The following STARD5 variants were observed in gnomAD, a reference collection of about 807,000 sequenced individuals.
STARD5 encodes StAR related lipid transfer domain containing 5, also known as stAR-related lipid transfer protein 5.
A neutral mutation model predicts 24.6 loss-of-function variants in STARD5; 26 were observed. The ratio of observed to expected loss-of-function variants is 1.06; its 90% CI spans 0.77 to 1.47. The LOEUF (loss-of-function observed/expected upper bound fraction) is 1.47, where lower values mean the gene tolerates loss of function less well. STARD5 is among the 40% of genes most tolerant of loss of function. STARD5 has a pLI of 0.00. For synonymous variants in STARD5, 101 were observed against 99.7 expected (o/e 1.01, Z -0.07); for missense variants, 254 against 270.8 (o/e 0.94, Z 0.44).
intron 1 of STARD5, 88 bp downstream of exon 1, chr15:81,323,913 C>T (rs1177969235): frequency 2.2e-6 from 3 of 1,359,330 alleles, no homozygotes; most frequent in Admixed American, 4.0e-5. Flanking sequence ...CAGAAAACAA[C>T]GGGGAGAGGA....
chr15:81,317,059 T>C (rs967254544), intron 5 of STARD5, among the ~76,000 whole-genome samples: 6 of 151,976 alleles, frequency 3.9e-5, no homozygotes, highest in African/African-American at 1.5e-4. Context: ...TAGCCAGGCA[T>C]GGTGGCAGGC....
chr15:81,315,392 G>A (rs1038202833), intron 5 of STARD5, among the ~76,000 whole-genome samples: 3 of 152,082 alleles, frequency 2.0e-5, no homozygotes, highest in African/African-American at 4.8e-5. Context: ...GGTAGCTCTT[G>A]CATGTACACC....
chr15:81,319,505 C>T (rs757333999), intron 3 of STARD5, 49 bp from the exon 4 acceptor site: 10 of 1,501,500 alleles, frequency 6.7e-6, no homozygotes, highest in Admixed American at 1.7e-5. Flanking sequence ...CAGACATCTT[C>T]TCCCAACTCC....
At position 81,314,086 on chromosome 15, in the gene STARD5, T is replaced by G. The variant is rs1048290468; in HGVS notation, c.495-683A>C. The G allele has an allele frequency of 3.3e-5, 5 of 152,172 alleles. 1 individual carries two copies. In the South Asian group the frequency reaches 6.2e-4, roughly 19 times the overall value. 9.4% of individuals were successfully genotyped at this position (152,172 alleles called of 1,614,324 possible). A position where few individuals can be genotyped will look rare whatever the true frequency, so the allele number is the denominator to read the frequency against. On this transcript the variant is annotated intron_variant, in intron 5 of 5. Transcript: ENST00000302824. ...TGCAGTGCATTTTTATGTTAAAATATTTTTAACATTTCTCAAATTTACCAG... is the reference window on the plus strand; with the variant it reads ...TGCAGTGCATTTTTATGTTAAAATAGTTTTAACATTTCTCAAATTTACCAG...
intron 3 of STARD5, among the ~76,000 whole-genome samples, chr15:81,319,869 A>G (rs1163536854): frequency 6.6e-6 from 1 of 151,994 alleles, no homozygotes; most frequent in Non-Finnish European, 1.5e-5. Flanking sequence ...CACGAAGCTC[A>G]TGGTGGAGAT....
intron 5 of STARD5, among the ~76,000 whole-genome samples, chr15:81,317,220 G>A (rs931088178): frequency 6.6e-6 from 1 of 150,738 alleles, no homozygotes; most frequent in Non-Finnish European, 1.5e-5. Flanking sequence ...AAATCCATGT[G>A]ATACCTTTGC....
intron 3 of STARD5, among the ~76,000 whole-genome samples, chr15:81,320,563 G>A (rs1325673498): frequency 6.6e-6 from 1 of 152,174 alleles, no homozygotes; most frequent in Non-Finnish European, 1.5e-5. Flanking sequence ...CCTCCAGGGT[G>A]GCAAAGGGAC....
At chr15:81,323,807 G>A (rs1437753266) in intron 1 of STARD5, 194 bp downstream of exon 1, 1 of 709,660 alleles carries the variant, frequency 1.4e-6, no homozygotes, top group African/African-American at 1.8e-5. Context: ...CTTACCACCT[G>A]AAGTCATTGT....
intron 5 of STARD5, among the ~76,000 whole-genome samples, chr15:81,316,079 C>G (rs1052315851): frequency 2.4e-4 from 36 of 152,180 alleles, no homozygotes; most frequent in African/African-American, 8.7e-4. Flanking sequence ...AGGCCCCGCT[C>G]TTGCTCCGGC....
At chr15:81,323,275 C>G (rs1049025839) in intron 1 of STARD5, 1 of 384,110 alleles carries the variant, frequency 2.6e-6, no homozygotes, top group African/African-American at 2.1e-5. Flanking sequence ...AAAACTACTC[C>G]CATGCTACCC....
intron 5 of STARD5, chr15:81,313,618 C>T (rs1900985062): frequency 5.4e-6 from 2 of 369,786 alleles, no homozygotes; most frequent in East Asian, 8.3e-5. Context: ...CACAGCCTCT[C>T]CCGGCCTCCA....
chr15:81,323,622 G>T, intron 1 of STARD5: 1 of 1,359,368 alleles, frequency 7.4e-7, no homozygotes, highest in Non-Finnish European at 1.0e-6. Flanking sequence ...TAAACAACAT[G>T]TAAAAACCTC....
Position 81,324,063 on chromosome 15 carries a change from C to A in STARD5, c.37G>T (p.Val13Leu). ...CGGTACTGGAGCATCTTCTCGGCCA[C>A]AGCCTCGCTCATCTGGGCTGCCAGC... is the stretch of plus-strand genomic sequence containing the variant. ...PALAAQMSEA[V>L]AEKMLQYRRD... The change falls in exon 1 of 6, where the codon GTG (valine) becomes TTG (leucine). Residue 13 changes from valine to leucine, a missense_variant. Coordinates refer to ENST00000302824, the MANE Select transcript of STARD5 (RefSeq NM_181900.3). The A allele has an allele frequency of 1.3e-6, 2 of 1,575,008 alleles. No individual in the cohort carries two copies. The highest frequency in any genetic ancestry group is 1.7e-6 in the Non-Finnish European group (2 of 1,156,654).
rs549259654 is a variant in STARD5, at chr15:81,313,037, G to C, written c.*219C>G. The stretch of plus-strand genomic sequence containing the variant: ...TTGGGTAACAGGCAGATGGAGTTTG[G>C]AACACATGAATGGCTCATCACACGC... On this transcript the variant is annotated 3_prime_UTR_variant, in exon 6 of 6. Transcript: ENST00000302824. 1 of 398,218 alleles carries C rather than the reference G, an allele frequency of 2.5e-6. No homozygotes were observed. The highest frequency in any genetic ancestry group is 4.6e-5 in the East Asian group (1 of 21,822). 24.7% of individuals were successfully genotyped at this position (398,218 alleles called of 1,614,324 possible).
rs529938645 is a variant in STARD5, at chr15:81,310,659, T to C, written c.*2597A>G. Reference sequence around the variant, plus strand: ...TGATGTGGAGGGCACATTCCTTGCCTGCACAAACTCACCATCTGTGCACGC... The same window carrying C: ...TGATGTGGAGGGCACATTCCTTGCCCGCACAAACTCACCATCTGTGCACGC... On this transcript the variant is annotated 3_prime_UTR_variant, in exon 6 of 6. Coordinates refer to ENST00000302824, the MANE Select transcript of STARD5 (RefSeq NM_181900.3). 6.6e-6 allele frequency: 1 copy of C among 152,364 alleles called. No individual in the cohort carries two copies. The highest frequency in any genetic ancestry group is 1.5e-5 in the Non-Finnish European group (1 of 68,044). The allele number at this position is 152,364 out of a possible 1,614,324, so 9.4% of individuals were successfully genotyped here.
At chr15:81,323,926 C>T in intron 1 of STARD5, 75 bp downstream of exon 1, 1 of 1,463,446 alleles carries the variant, frequency 6.8e-7, no homozygotes, top group Non-Finnish European at 9.4e-7. Flanking sequence ...GGAGAGGAGG[C>T]GCTTGGGGGC....
At chr15:81,314,908 A>AC (rs1555426040) in intron 5 of STARD5, among the ~76,000 whole-genome samples, 2 of 146,168 alleles carry the variant, frequency 1.4e-5, no homozygotes, top group African/African-American at 2.6e-5. Context: ...AAAAAAAAAA[A>AC]AAAAAAAGAA....
intron 1 of STARD5, 52 bp downstream of exon 1, chr15:81,323,949 G>C: frequency 6.5e-7 from 1 of 1,541,282 alleles, no homozygotes; most frequent in Non-Finnish European, 8.8e-7. Flanking sequence ...CTGGGGACCC[G>C]GGCTCCACGA....
intron 5 of STARD5, 31 bp from the exon 6 acceptor site, chr15:81,313,434 A>C (rs533927144): frequency 6.7e-7 from 1 of 1,482,890 alleles, no homozygotes. Context: ...CTGTGTTATG[A>C]TCTGCAGCAG....
Sources: allele counts gnomAD v4.1 joint callset (sites outside exome capture counted in the v4.1 genomes callset), GRCh38; gene constraint gnomAD v4.1.1; transcripts MANE v1.5; gene names NCBI Gene and HGNC (gene_info 2026-07-23, HGNC 2026-07-21).